Variants in RNGTT observed in about 807,000 individuals in gnomAD.
RNGTT encodes the protein RNA guanylyltransferase and 5'-phosphatase.
RNGTT carries 33 observed loss-of-function variants against 79.3 expected under a neutral mutation model. That is an observed-to-expected ratio of 0.42 (90% CI 0.32 to 0.56). RNGTT has a LOEUF of 0.56. RNGTT is among the 20% of genes least tolerant of loss of function. The probability of loss-of-function intolerance (pLI) is 0.17; values close to 1 mark genes in which losing one functional copy is unlikely to be tolerated. For missense variants in RNGTT, 497 were observed against 739.1 expected, an observed-to-expected ratio of 0.67 and a Z score of 3.80; for synonymous variants, 222 against 235.9, an observed-to-expected ratio of 0.94 and a Z score of 0.54.
At chr6:88,896,135 A>G (rs1263898185) in intron 6 of RNGTT, among the ~76,000 whole-genome samples, 3 of 152,164 alleles carry the variant, frequency 2.0e-5, no homozygotes, top group African/African-American at 7.2e-5. Flanking sequence ...CTCTTTCAAA[A>G]GGCCCTCTTG....
At chr6:88,691,677 T>C (rs1233522377) in intron 13 of RNGTT, among the ~76,000 whole-genome samples, 1 of 152,184 alleles carries the variant, frequency 6.6e-6, no homozygotes, top group Non-Finnish European at 1.5e-5. Flanking sequence ...ATTAAATGGG[T>C]GTTAGTTACA....
intron 14 of RNGTT, among the ~76,000 whole-genome samples, chr6:88,640,873 A>T (rs1215445222): frequency 6.6e-6 from 1 of 152,168 alleles, no homozygotes; most frequent in African/African-American, 2.4e-5. Context: ...GGTCCCTATT[A>T]ATGGAAAGAA....
At chr6:88,880,606 A>G (rs1381885447) in intron 8 of RNGTT, among the ~76,000 whole-genome samples, 1 of 152,046 alleles carries the variant, frequency 6.6e-6, no homozygotes, top group Non-Finnish European at 1.5e-5. Flanking sequence ...ACAGCCTTAC[A>G]TTTTTCCTGT....
chr6:88,733,569 AACTACAGATCC>A (rs908572028), intron 13 of RNGTT, among the ~76,000 whole-genome samples: 13 of 152,036 alleles, frequency 8.6e-5, no homozygotes, highest in African/African-American at 2.9e-4. Context: ...ATAAATATCA[AACTACAGATCC>A]AGGAAGCTAA....
chr6:88,778,951 T>C lies in RNGTT; in HGVS notation c.1339-9077A>G, dbSNP rs1403809127. 3.3e-5 allele frequency among the ~76,000 whole-genome samples: 5 copies of C among 152,216 alleles called. No homozygotes were observed. The South Asian group carries it at 8.3e-4, about 25-fold the overall frequency. Reference sequence around the variant, plus strand: ...CCCTGAGAGATTTATTTAGGTAACATACATGCTTCAGGATAATCACAAATA... The same window carrying C: ...CCCTGAGAGATTTATTTAGGTAACACACATGCTTCAGGATAATCACAAATA... On this transcript the variant is annotated intron_variant, in intron 12 of 15. Transcript: ENST00000369485.
intron 12 of RNGTT, among the ~76,000 whole-genome samples, chr6:88,783,481 T>C (rs866703739): frequency 1.3e-5 from 2 of 152,146 alleles, no homozygotes; most frequent in African/African-American, 2.4e-5. Context: ...GTAGTGATTA[T>C]TTCACAATGT....
At chr6:88,722,020 T>G (rs981443832) in intron 13 of RNGTT, among the ~76,000 whole-genome samples, 1 of 151,836 alleles carries the variant, frequency 6.6e-6, no homozygotes, top group South Asian at 2.1e-4. Flanking sequence ...AGCACAAAGG[T>G]TGGCATACAC....
intron 13 of RNGTT, among the ~76,000 whole-genome samples, chr6:88,723,143 A>T (rs1316794152): frequency 1.3e-5 from 2 of 152,222 alleles, no homozygotes; most frequent in Non-Finnish European, 1.5e-5. Context: ...TATAGATTTC[A>T]GTTCCACGTG....
Position 88,819,806 on chromosome 6 carries a change from G to A in RNGTT, c.1270-18174C>T, listed in dbSNP as rs147083913. ...TATTTAAAAGTACTCCACATCAAAC[G>A]TGATCACTCTCTTACAATATATGTC... On this transcript the variant is annotated intron_variant, in intron 11 of 15. Transcript: ENST00000369485. 1.7e-3 allele frequency among the ~76,000 whole-genome samples: 260 copies of A among 152,058 alleles called. 2 individuals carry two copies. Among genetic ancestry groups the A allele is most frequent in the African/African-American group, 6.1e-3 (252 of 41,482 alleles).
At chr6:88,769,666 G>A (rs1182568138) in intron 13 of RNGTT, 108 bp downstream of exon 13, 1 of 565,424 alleles carries the variant, frequency 1.8e-6, no homozygotes, top group East Asian at 2.9e-5. Flanking sequence ...AAGTATTTTA[G>A]TTTCTTTCTT....
At chr6:88,668,510 T>G (rs982272357) in intron 14 of RNGTT, among the ~76,000 whole-genome samples, 1 of 152,208 alleles carries the variant, frequency 6.6e-6, no homozygotes, top group Admixed American at 6.5e-5. Flanking sequence ...CCCAGTGTAT[T>G]CATCAGGTTA....
intron 2 of RNGTT, among the ~76,000 whole-genome samples, chr6:88,932,777 T>C (rs781051850): frequency 2.6e-5 from 4 of 152,086 alleles, no homozygotes; most frequent in Non-Finnish European, 4.4e-5. Context: ...GTATGAAAAA[T>C]CTTTAAAACC....
Position 88,877,813 on chromosome 6 carries a change from GATAAAAA to G in RNGTT, c.896+12675_896+12681del, listed in dbSNP as rs529646275. 3.3e-4 allele frequency among the ~76,000 whole-genome samples: 50 copies of G among 152,182 alleles called. 1 individual carries two copies. The East Asian group carries it at 7.3e-3, about 22-fold the overall frequency. On this transcript the variant is annotated intron_variant, in intron 8 of 15. Transcript: ENST00000369485. Reference sequence around the variant, plus strand: ...TTCTCTGGTAGTCTCACTTCCCCGTGATAAAAAAGAAACACAGGAGCTTTATTGTGTC... The same window carrying G: ...TTCTCTGGTAGTCTCACTTCCCCGTGAGAAACACAGGAGCTTTATTGTGTC...
intron 12 of RNGTT, among the ~76,000 whole-genome samples, chr6:88,779,243 C>A (rs1034055361): frequency 2.0e-5 from 3 of 152,098 alleles, no homozygotes; most frequent in African/African-American, 7.2e-5. Context: ...CACATCCCAC[C>A]GCATTTGCAA....
In RNGTT at chr6:88,837,318, G is replaced by A. The variant is rs566176999; in HGVS notation, c.1269+7039C>T. Among the ~76,000 whole-genome samples, 59 of 152,198 alleles carry A rather than the reference G, an allele frequency of 3.9e-4. 1 individual carries two copies. In the Middle Eastern group the frequency reaches 0.014, roughly 35 times the overall value. ...AGGCTGAGGCAGGAGGATCACTTGA[G>A]CCCAGGAGTTCAAGGCTGTAGTGAG... On this transcript the variant is annotated intron_variant, in intron 11 of 15. Coordinates refer to ENST00000369485, the MANE Select transcript of RNGTT (RefSeq NM_003800.5).
chr6:88,776,620 C>G lies in RNGTT; in HGVS notation c.1339-6746G>C, dbSNP rs59633325. ...AAAGTGTTGAGATTACAGGCATGAG[C>G]CACCATGCCCAGCCACCTGTTGACC... On this transcript the variant is annotated intron_variant, in intron 12 of 15. Transcript: ENST00000369485. Among the ~76,000 whole-genome samples, 454 of 151,118 alleles carry G rather than the reference C, an allele frequency of 3.0e-3. 1 individual carries two copies. The highest frequency in any genetic ancestry group is 0.011 in the African/African-American group (439 of 41,090).
chr6:88,878,662 T>A (rs143163200), intron 8 of RNGTT, among the ~76,000 whole-genome samples: 1 of 152,220 alleles, frequency 6.6e-6, no homozygotes. Flanking sequence ...AGATAGGAGA[T>A]AAATTCTTAT....
chr6:88,864,914 G>C (rs1216135214), intron 8 of RNGTT, among the ~76,000 whole-genome samples: 1 of 152,068 alleles, frequency 6.6e-6, no homozygotes, highest in East Asian at 1.9e-4. Flanking sequence ...GGAGAACAGT[G>C]GTTGCCAGGG....
At chr6:88,647,715 A>AAAAAAAAAAAAAAAAAAAG (rs531898293) in intron 14 of RNGTT, among the ~76,000 whole-genome samples, 1 of 142,510 alleles carries the variant, frequency 7.0e-6, no homozygotes, top group African/African-American at 3.0e-5. Context: ...AAAAAAAAAA[A>AAAAAAAAAAAAAAAAAAAG]AAGAAGAAGA....
Sources: gnomAD v4.1 joint callset for allele counts (sites outside exome capture counted in the v4.1 genomes callset) on GRCh38, gnomAD v4.1.1 for gene constraint, MANE v1.5 for transcripts, NCBI Gene and HGNC (gene_info 2026-07-23, HGNC 2026-07-21) for gene names.